Variants in TSC22D1 observed in about 807,000 individuals in gnomAD.
TSC22D1 encodes TSC22 domain family protein 1.
A neutral mutation model predicts 74.2 loss-of-function variants in TSC22D1; 9 were observed. The ratio of observed to expected loss-of-function variants is 0.12; its 90% CI spans 0.07 to 0.21. TSC22D1 has a LOEUF of 0.21. Ranked by LOEUF, TSC22D1 falls within the 10% of genes least tolerant of loss-of-function variation. The probability of loss-of-function intolerance (pLI) is 1.00; values close to 1 mark genes in which losing one functional copy is unlikely to be tolerated. For missense variants in TSC22D1, 1,427 were observed against 1,304.7 expected, an observed-to-expected ratio of 1.09 and a Z score of -1.44; for synonymous variants, 586 against 492.5, an observed-to-expected ratio of 1.19 and a Z score of -2.51.
At chr13:44,434,969 C>T in intron 2 of TSC22D1, 86 bp from the exon 3 acceptor site, 1 of 1,170,930 alleles carries the variant, frequency 8.5e-7, no homozygotes, top group Non-Finnish European at 1.2e-6. Flanking sequence ...TTACATGGAT[C>T]TCCCTAACTA....
In TSC22D1 at chr13:44,515,373, T is replaced by TG. The variant is rs1289320278; in HGVS notation, c.2912+57789dup. On this transcript the variant is annotated intron_variant, in intron 1 of 2. Transcript: ENST00000458659. ...GGAAAGATGGCCAAGAAATATTAAGTGAAAAAAAAGCAAAGAGCAGAACAG... is the reference window on the plus strand; with the variant it reads ...GGAAAGATGGCCAAGAAATATTAAGTGGAAAAAAAAGCAAAGAGCAGAACAG... 8.6e-5 allele frequency among the ~76,000 whole-genome samples: 13 copies of TG among 151,116 alleles called. No homozygotes were observed. In the East Asian group the frequency reaches 2.1e-3, roughly 25 times the overall value.
chr13:44,501,737 G>A (rs1879226861), intron 1 of TSC22D1, among the ~76,000 whole-genome samples: 1 of 152,166 alleles, frequency 6.6e-6, no homozygotes. Flanking sequence ...CATATTACCT[G>A]TATCAAAGCC....
At chr13:44,515,355 T>C (rs1879929475) in intron 1 of TSC22D1, among the ~76,000 whole-genome samples, 1 of 151,724 alleles carries the variant, frequency 6.6e-6, no homozygotes, top group Admixed American at 6.6e-5. Flanking sequence ...TATGGAAAGA[T>C]GGCCAAGAAA....
At chr13:44,558,879 G>C (rs1041689413) in intron 1 of TSC22D1, among the ~76,000 whole-genome samples, 2 of 152,130 alleles carry the variant, frequency 1.3e-5, no homozygotes, top group Non-Finnish European at 2.9e-5. Flanking sequence ...GTTATCTAGG[G>C]TGAAATTCTC....
Position 44,434,093 on chromosome 13 carries a change from G to C in TSC22D1, c.*533C>G. Reference sequence around the variant, plus strand: ...CATTGTTTGAGAAGAAAGAGGCACAGTACTATTGTTTTTTATGAATTTTGG... The same window carrying C: ...CATTGTTTGAGAAGAAAGAGGCACACTACTATTGTTTTTTATGAATTTTGG... On this transcript the variant is annotated 3_prime_UTR_variant, in exon 3 of 3. Transcript: ENST00000458659. The C allele has an allele frequency of 2.0e-6, 3 of 1,509,576 alleles. No homozygotes were observed. Among genetic ancestry groups the C allele is most frequent in the Non-Finnish European group, 2.6e-6 (3 of 1,140,634 alleles). 93.5% of individuals were successfully genotyped at this position (1,509,576 alleles called of 1,614,324 possible). A position where few individuals can be genotyped will look rare whatever the true frequency, so the allele number is the denominator to read the frequency against.
At chr13:44,485,978 A>G (rs1313649976) in intron 1 of TSC22D1, among the ~76,000 whole-genome samples, 2 of 152,078 alleles carry the variant, frequency 1.3e-5, no homozygotes, top group East Asian at 1.9e-4. Flanking sequence ...TGGATTAGAC[A>G]AAAGTATAAA....
intron 1 of TSC22D1, among the ~76,000 whole-genome samples, chr13:44,524,154 C>G (rs75167227): frequency 0.015 from 2,329 of 152,128 alleles, 28 homozygotes; most frequent in Non-Finnish European, 0.025. Flanking sequence ...CCTAGTAGAA[C>G]AGCCTACTTC....
rs2138849736 is a variant in TSC22D1 at position 44,436,428 on chromosome 13, C to T, written c.2913-333G>A. On this transcript the variant is annotated intron_variant, in intron 1 of 2. Transcript: ENST00000458659. ...TCTCAGCAATGGACAAAGGAATTCG[C>T]CTGGCTATCTTTCACCTGTATTATT... 2.6e-6 allele frequency: 4 copies of T among 1,525,398 alleles called. No homozygotes were observed. The South Asian group carries it at 4.9e-5, about 19-fold the overall frequency. 94.5% of individuals were successfully genotyped at this position (1,525,398 alleles called of 1,614,324 possible).
chr13:44,450,792 A>C (rs1420533580), intron 1 of TSC22D1, among the ~76,000 whole-genome samples: 1 of 152,204 alleles, frequency 6.6e-6, no homozygotes, highest in Non-Finnish European at 1.5e-5. Flanking sequence ...GTTGGGCATA[A>C]GAAAATACTG....
chr13:44,539,094 A>T (rs376545667), intron 1 of TSC22D1: 3 of 985,260 alleles, frequency 3.0e-6, no homozygotes, highest in Non-Finnish European at 1.2e-6. Context: ...CCATGGGGGA[A>T]ATCTAGGAAA....
At chr13:44,459,889 C>CCCTTGGCAGGCATGGGTGCCTGTCTCAT in intron 1 of TSC22D1, among the ~76,000 whole-genome samples, 1 of 152,166 alleles carries the variant, frequency 6.6e-6, no homozygotes, top group African/African-American at 2.4e-5. Context: ...TTGCCACTGA[C>CCCTTGGCAGGCATGGGTGCCTGTCTCAT]CCTTGGCAGG....
chr13:44,514,430 A>G (rs561204751), intron 1 of TSC22D1, among the ~76,000 whole-genome samples: 1 of 152,272 alleles, frequency 6.6e-6, no homozygotes, highest in South Asian at 2.1e-4. Context: ...CACCATGAAC[A>G]AGATCAAAAG....
intron 1 of TSC22D1, among the ~76,000 whole-genome samples, chr13:44,557,649 T>C (rs1441944354): frequency 6.6e-6 from 1 of 152,248 alleles, no homozygotes; most frequent in African/African-American, 2.4e-5. Context: ...AGATAAGTTG[T>C]AACCACTCAA....
At chr13:44,556,373 C>T (rs191830622) in intron 1 of TSC22D1, among the ~76,000 whole-genome samples, 23 of 151,780 alleles carry the variant, frequency 1.5e-4, no homozygotes, top group African/African-American at 2.7e-4. Context: ...GGTGAAACCC[C>T]GTCTCTTAAA....
chr13:44,532,813 G>A (rs983884241), intron 1 of TSC22D1, among the ~76,000 whole-genome samples: 2 of 152,112 alleles, frequency 1.3e-5, no homozygotes, highest in Non-Finnish European at 2.9e-5. Flanking sequence ...CATGCTACAT[G>A]AATAAGAGGT....
chr13:44,565,898 T>C (rs1443590805), intron 1 of TSC22D1, among the ~76,000 whole-genome samples: 1 of 152,204 alleles, frequency 6.6e-6, no homozygotes, highest in Non-Finnish European at 1.5e-5. Context: ...CTGAAGCTAA[T>C]GCTGCAAAAG....
intron 1 of TSC22D1, among the ~76,000 whole-genome samples, chr13:44,454,371 AAACATATATAAC>A (rs1197113358): frequency 6.6e-6 from 1 of 152,202 alleles, no homozygotes; most frequent in African/African-American, 2.4e-5. Context: ...TACATTATGT[AAACATATATAAC>A]AACATCTATG....
At chr13:44,442,389 TTATAAC>T (rs1464734778) in intron 1 of TSC22D1, among the ~76,000 whole-genome samples, 17 of 152,154 alleles carry the variant, frequency 1.1e-4, no homozygotes, top group African/African-American at 4.1e-4. Context: ...TTAAAAACAG[TTATAAC>T]TATATTTCAT....
At chr13:44,511,098 C>T (rs771860161) in intron 1 of TSC22D1, among the ~76,000 whole-genome samples, 9 of 152,016 alleles carry the variant, frequency 5.9e-5, no homozygotes, top group Non-Finnish European at 8.8e-5. Context: ...CTGGGCAACA[C>T]GGCAAAACCC....
Sources: gnomAD v4.1 joint callset for allele counts (sites outside exome capture counted in the v4.1 genomes callset) on GRCh38, gnomAD v4.1.1 for gene constraint, MANE v1.5 for transcripts, NCBI Gene and HGNC (gene_info 2026-07-23, HGNC 2026-07-21) for gene names.